MGMT: variants seen among roughly 807,000 people sequenced by gnomAD.
MGMT encodes the protein methylated-DNA--protein-cysteine methyltransferase.
MGMT carries 14 observed loss-of-function variants against 15.9 expected under a neutral mutation model. The observed-to-expected ratio is 0.88, with a 90% CI of 0.58 to 1.37. The LOEUF (loss-of-function observed/expected upper bound fraction) is 1.37, where lower values mean the gene tolerates loss of function less well. Among genes scored for constraint, MGMT ranks in the 40% most tolerant of loss-of-function variants. The pLI, the probability that MGMT is intolerant of heterozygous loss-of-function variation, is 0.00. For synonymous variants in MGMT, 130 were observed against 118.2 expected (o/e 1.10, Z -0.65); for missense variants, 282 against 268.1 (o/e 1.05, Z -0.36).
chr10:129,759,397 G>A, intron 4 of MGMT, 56 bp downstream of exon 4: 4 of 1,610,306 alleles, frequency 2.5e-6, no homozygotes, highest in Non-Finnish European at 3.4e-6. Context: ...CAGGTGGCAG[G>A]GTGTCATCTG....
intron 2 of MGMT, among the ~76,000 whole-genome samples, chr10:129,696,334 A>G (rs1479974696): frequency 6.6e-6 from 1 of 152,116 alleles, no homozygotes; most frequent in Non-Finnish European, 1.5e-5. Context: ...GGGGTGGGGA[A>G]TGGAACAGAC....
At chr10:129,628,692 G>A (rs925368746) in intron 2 of MGMT, among the ~76,000 whole-genome samples, 3 of 152,242 alleles carry the variant, frequency 2.0e-5, no homozygotes, top group Non-Finnish European at 4.4e-5. Flanking sequence ...AAACGCATCT[G>A]TAACTGTGGG....
intron 2 of MGMT, among the ~76,000 whole-genome samples, chr10:129,570,976 CT>C (rs1252727992): frequency 6.6e-6 from 1 of 152,140 alleles, no homozygotes; most frequent in East Asian, 1.9e-4. Context: ...TTATATGTGG[CT>C]GAGCATAATT....
chr10:129,615,153 G>A (rs1220838760), intron 2 of MGMT, among the ~76,000 whole-genome samples: 1 of 152,124 alleles, frequency 6.6e-6, no homozygotes, highest in Non-Finnish European at 1.5e-5. Flanking sequence ...GCCTATATTG[G>A]GCAGCTGTGA....
At chr10:129,744,401 G>A (rs1048899862) in intron 3 of MGMT, among the ~76,000 whole-genome samples, 3 of 152,216 alleles carry the variant, frequency 2.0e-5, no homozygotes, top group African/African-American at 2.4e-5. Context: ...GTGTGACATC[G>A]TGTCCCTGCC....
At chr10:129,610,247 T>C (rs1224319057) in intron 2 of MGMT, among the ~76,000 whole-genome samples, 1 of 152,260 alleles carries the variant, frequency 6.6e-6, no homozygotes, top group African/African-American at 2.4e-5. Context: ...CCTTATTCTT[T>C]GGCGGTATCA....
chr10:129,490,044 C>T (rs7083772), intron 1 of MGMT, among the ~76,000 whole-genome samples: 8,932 of 152,144 alleles, frequency 0.059, 860 homozygotes, highest in African/African-American at 0.2. Flanking sequence ...ATGATGCTTG[C>T]TATAGACTTT....
chr10:129,515,347 G>T (rs533811575), intron 1 of MGMT, among the ~76,000 whole-genome samples: 6 of 152,180 alleles, frequency 3.9e-5, no homozygotes, highest in Non-Finnish European at 7.3e-5. Flanking sequence ...TGGGGTTGGG[G>T]ACTCCACTTG....
At chr10:129,687,945 G>A (rs1302610143) in intron 2 of MGMT, among the ~76,000 whole-genome samples, 4 of 152,096 alleles carry the variant, frequency 2.6e-5, no homozygotes, top group Middle Eastern at 3.4e-3. Flanking sequence ...AGAACACATG[G>A]TGTTTGGTTT....
At chr10:129,647,818 A>G (rs1485951672) in intron 2 of MGMT, among the ~76,000 whole-genome samples, 1 of 152,240 alleles carries the variant, frequency 6.6e-6, no homozygotes, top group Non-Finnish European at 1.5e-5. Flanking sequence ...TCAGCTTTCT[A>G]GCAGCCCATT....
intron 3 of MGMT, among the ~76,000 whole-genome samples, chr10:129,757,991 A>G (rs1848826753): frequency 1.3e-5 from 2 of 152,222 alleles, no homozygotes; most frequent in African/African-American, 4.8e-5. Flanking sequence ...CACATTTGCT[A>G]TCTTTTTGCC....
chr10:129,526,391 G>A (rs1170651464), intron 1 of MGMT, among the ~76,000 whole-genome samples: 1 of 152,096 alleles, frequency 6.6e-6, no homozygotes, highest in Admixed American at 6.6e-5. Flanking sequence ...GAGGCAGTCA[G>A]ACACGGTCCT....
intron 1 of MGMT, among the ~76,000 whole-genome samples, chr10:129,497,446 A>G (rs887751863): frequency 3.9e-5 from 6 of 152,200 alleles, no homozygotes; most frequent in African/African-American, 1.4e-4. Context: ...GCATGTACAT[A>G]GATGACAACG....
intron 3 of MGMT, among the ~76,000 whole-genome samples, chr10:129,750,443 A>G (rs1365839507): frequency 6.6e-6 from 1 of 151,934 alleles, no homozygotes; most frequent in East Asian, 1.9e-4. Flanking sequence ...CCTTGTATTT[A>G]TGGGTTCCAC....
intron 2 of MGMT, among the ~76,000 whole-genome samples, chr10:129,703,240 A>G (rs1302788282): frequency 6.6e-6 from 1 of 152,250 alleles, no homozygotes; most frequent in East Asian, 1.9e-4. Flanking sequence ...AATCAATTTA[A>G]GATGAATTTT....
At chr10:129,705,148 G>C (rs1032816685) in intron 2 of MGMT, among the ~76,000 whole-genome samples, 8 of 152,224 alleles carry the variant, frequency 5.3e-5, no homozygotes, top group Non-Finnish European at 8.8e-5. Context: ...GCAGGCCCAT[G>C]GCCGTGTGTG....
At chr10:129,614,507 G>A (rs1255597029) in intron 2 of MGMT, among the ~76,000 whole-genome samples, 4 of 152,222 alleles carry the variant, frequency 2.6e-5, no homozygotes, top group African/African-American at 4.8e-5. Context: ...ACACGTGCTC[G>A]GCGGCTGGTT....
chr10:129,504,914 G>C (rs140611447), intron 1 of MGMT, among the ~76,000 whole-genome samples: 1 of 149,300 alleles, frequency 6.7e-6, no homozygotes, highest in Non-Finnish European at 1.5e-5. Flanking sequence ...GCCTAGGTTT[G>C]TGTGAATGTG....
At chr10:129,539,700 G>T (rs1297026832) in intron 2 of MGMT, among the ~76,000 whole-genome samples, 1 of 152,078 alleles carries the variant, frequency 6.6e-6, no homozygotes, top group Non-Finnish European at 1.5e-5. Flanking sequence ...TAGAGACAGG[G>T]TTTCACTGTG....
Sources: allele counts gnomAD v4.1 joint callset (sites outside exome capture counted in the v4.1 genomes callset), GRCh38; gene constraint gnomAD v4.1.1; transcripts MANE v1.5; gene names NCBI Gene and HGNC (gene_info 2026-07-23, HGNC 2026-07-21).